MIEF2: variants seen among roughly 807,000 people sequenced by gnomAD.
The protein encoded by MIEF2 is mitochondrial elongation factor 2, also known as mitochondrial dynamics protein MID49.
Under a neutral mutation model 7.4 loss-of-function variants are expected in MIEF2, and 1 was observed. The observed-to-expected ratio is 0.14, with a 90% CI of 0.05 to 0.64. The LOEUF (loss-of-function observed/expected upper bound fraction) is 0.64, where lower values mean the gene tolerates loss of function less well. Among genes scored for constraint, MIEF2 ranks in the 30% least tolerant of loss-of-function variants. MIEF2 has a pLI of 0.85. For missense variants in MIEF2, 569 were observed against 623.9 expected (o/e 0.91, Z 0.94); for synonymous variants, 275 against 290.5 (o/e 0.95, Z 0.54).
Position 18,264,754 on chromosome 17 carries a change from G to A in MIEF2, c.1355G>A (p.Gly452Glu). ...TACAGTGGCCTACAGGAGCCCGAGG[G>A]GCTGCTCTAGGTGGGTGGAAACGGG... ...ALYSGLQEPEGLL is the reference protein window; with the variant it reads ...ALYSGLQEPEELL The change falls in exon 4 of 4, where the codon GGG becomes GAG. Residue 452 changes from glycine to glutamate, a missense_variant. Transcript: ENST00000323019. 6.2e-7 allele frequency: 1 copy of A among 1,606,238 alleles called. No individual in the cohort carries two copies. The highest frequency in any genetic ancestry group is 8.5e-7 in the Non-Finnish European group (1 of 1,174,816).
chr17:18,260,978 G>A, intron 1 of MIEF2: 1 of 873,296 alleles, frequency 1.1e-6, no homozygotes, highest in Non-Finnish European at 1.8e-6. Context: ...GGCCTGCTCC[G>A]CCCGGGCCCA....
rs1978667495 is a variant in MIEF2 at position 18,264,910 on chromosome 17, G to A, written c.*146G>A. ...ACTTAAACCCAGGGCATCAGGATGT[G>A]CTTGGGCTATGGTGGCCATAAACCC... On this transcript the variant is annotated 3_prime_UTR_variant, in exon 4 of 4. Transcript: ENST00000323019. 5 of 1,377,506 alleles carry A rather than the reference G, an allele frequency of 3.6e-6. No individual in the cohort carries two copies. Among genetic ancestry groups the A allele is most frequent in the Non-Finnish European group, 4.8e-6 (5 of 1,047,124 alleles). The allele number at this position is 1,377,506 out of a possible 1,614,324, so 85.3% of individuals were successfully genotyped here.
rs573381147 is a variant in MIEF2 at position 18,264,549 on chromosome 17, C to T, written c.1150C>T (p.Arg384Cys). The T allele has an allele frequency of 1.1e-5, 18 of 1,610,518 alleles. No individual in the cohort carries two copies. In the East Asian group the frequency reaches 2.7e-4, roughly 24 times the overall value. The change falls in exon 4 of 4, where the codon CGT (arginine) becomes TGT (cysteine). Residue 384 changes from arginine to cysteine, a missense_variant. Arg to Cys is a radical substitution (Grantham distance 180). Transcript: ENST00000323019. ...GGGTCACCTGACCCAGGTGGTCCTG[C>T]GTCTGGGGGAGGACAACGTGGATTG... ...GRGHLTQVVL[R>C]LGEDNVDWTE...
intron 1 of MIEF2, among the ~76,000 whole-genome samples, chr17:18,261,735 A>G (rs953750904): frequency 9.2e-5 from 14 of 152,366 alleles, no homozygotes; most frequent in Admixed American, 4.6e-4. Flanking sequence ...CAGGTGAGCA[A>G]ACAGGCTGGG....
At chr17:18,263,511 C>T (rs1978543289) in intron 3 of MIEF2, 199 bp from the exon 4 acceptor site, 4 of 866,480 alleles carry the variant, frequency 4.6e-6, no homozygotes, top group Non-Finnish European at 7.2e-6. Flanking sequence ...CTGTTGTCGC[C>T]AGGGTGTTGG....
chr17:18,261,609 A>C (rs1978420751), intron 1 of MIEF2, among the ~76,000 whole-genome samples: 1 of 152,160 alleles, frequency 6.6e-6, no homozygotes, highest in East Asian at 1.9e-4. Flanking sequence ...GAACGTGAGG[A>C]ATGTGGACTG....
Position 18,262,826 on chromosome 17 carries a change from G to A in MIEF2, c.106G>A (p.Gly36Arg), listed in dbSNP as rs886732680. ...ANARLVLGVG[G>R]AAVLGIATLA... ...TGCCCGCCTGGTGCTGGGCGTGGGC[G>A]GGGCTGCTGTGCTGGGCATTGCCAC... is the stretch of plus-strand genomic sequence containing the variant. Residue 36 changes from glycine (G) to arginine (R), a missense_variant, in exon 2 of 4, where the codon GGG becomes AGG. Coordinates refer to ENST00000323019, the MANE Select transcript of MIEF2 (RefSeq NM_139162.4). 8 of 1,560,944 alleles carry A rather than the reference G, an allele frequency of 5.1e-6. No individual in the cohort carries two copies. The highest frequency in any genetic ancestry group is 2.3e-5 in the East Asian group (1 of 44,308).
rs1248607696 is a variant in MIEF2 at position 18,265,136 on chromosome 17, A to T, written c.*372A>T. 1 of 191,852 alleles carries T rather than the reference A, an allele frequency of 5.2e-6. No individual in the cohort carries two copies. The highest frequency in any genetic ancestry group is 1.1e-5 in the Non-Finnish European group (1 of 92,090). 11.9% of individuals were successfully genotyped at this position (191,852 alleles called of 1,614,324 possible). ...TGGGCAGAAGCTGAAGGCCAGCTTC[A>T]CATTTCTGCTGAGAGAAGGTGACTT... is the stretch of plus-strand genomic sequence containing the variant. On this transcript the variant is annotated 3_prime_UTR_variant, in exon 4 of 4. Coordinates refer to ENST00000323019, the MANE Select transcript of MIEF2 (RefSeq NM_139162.4).
Position 18,262,782 on chromosome 17 carries a change from TG to T in MIEF2, c.64del (p.Asp22ThrfsTer26). 6.2e-7 allele frequency: 1 copy of T among 1,600,786 alleles called. No homozygotes were observed. Among genetic ancestry groups the T allele is most frequent in the Non-Finnish European group, 8.5e-7 (1 of 1,173,310 alleles). ...AGCGACGAAGGGCTGGGCAGCATGG[TG>T]GACTTCCTCCTGGCCAATGCCCGCC... is the stretch of plus-strand genomic sequence containing the variant. ...RRSDEGLGSM[V>X]DFLLANARLV... On this transcript the variant is annotated frameshift_variant, in exon 2 of 4. Coordinates refer to ENST00000323019, the MANE Select transcript of MIEF2 (RefSeq NM_139162.4). LOFTEE classifies it high-confidence loss of function.
chr17:18,263,476 A>G (rs760262948), intron 3 of MIEF2: 2 of 842,850 alleles, frequency 2.4e-6, no homozygotes, highest in African/African-American at 3.4e-5. Context: ...GAGGGGCGTG[A>G]CATACCTACC....
rs548989385 is a variant in MIEF2 at position 18,261,147 on chromosome 17, T to C, written c.-8+410T>C. 3.2e-6 allele frequency: 5 copies of C among 1,551,430 alleles called. No homozygotes were observed. In the South Asian group the frequency reaches 5.9e-5, roughly 18 times the overall value. On this transcript the variant is annotated intron_variant, in intron 1 of 3. Coordinates refer to ENST00000323019, the MANE Select transcript of MIEF2 (RefSeq NM_139162.4). ...CGACCCCGCCAGAGATGGGGCTGAG[T>C]CCCAATTTAGACAGGTTGGGAGTAT... is the stretch of plus-strand genomic sequence containing the variant.
rs1055559024 is a variant in MIEF2, at chr17:18,265,199, C to T, written c.*435C>T. On this transcript the variant is annotated 3_prime_UTR_variant, in exon 4 of 4. Transcript: ENST00000323019. ...GGCCCTAGCTCCAGGCGTTTTGAGG[C>T]GTCTGGTGCCTGATGGTAGGTATGG... 5 of 164,702 alleles carry T rather than the reference C, an allele frequency of 3.0e-5. No individual in the cohort carries two copies. The highest frequency in any genetic ancestry group is 1.1e-4 in the Admixed American group (2 of 17,682). The allele number at this position is 164,702 out of a possible 1,614,324, so 10.2% of individuals were successfully genotyped here.
intron 3 of MIEF2, 192 bp downstream of exon 3, chr17:18,263,440 G>A: frequency 1.1e-6 from 1 of 928,404 alleles, no homozygotes; most frequent in Non-Finnish European, 1.7e-6. Flanking sequence ...ATGGTGGGGA[G>A]CTTTAGATGG....
intron 3 of MIEF2, 131 bp from the exon 4 acceptor site, chr17:18,263,579 G>T: frequency 1.6e-6 from 2 of 1,224,896 alleles, no homozygotes; most frequent in Non-Finnish European, 2.2e-6. Context: ...GATCTGAACT[G>T]AGTGCCTTCT....
In MIEF2 at chr17:18,264,536, C is replaced by G; in HGVS notation, c.1137C>G (p.Thr379=). The G allele has an allele frequency of 6.2e-7, 1 of 1,610,226 alleles. No homozygotes were observed. The highest frequency in any genetic ancestry group is 1.7e-4 in the Middle Eastern group (1 of 6,060). The change falls in exon 4 of 4, where the codon ACC becomes ACG. Residue 379 remains threonine (T), a synonymous_variant. Coordinates refer to ENST00000323019, the MANE Select transcript of MIEF2 (RefSeq NM_139162.4). ...GGCAGCTAGGCCGGGGTCACCTGAC[C>G]CAGGTGGTCCTGCGTCTGGGGGAGG... is the stretch of plus-strand genomic sequence containing the variant. ...ALGQLGRGHL[T]QVVLRLGEDN... is the part of the protein sequence containing the mutation.
At position 18,265,003 on chromosome 17, in the gene MIEF2, C is replaced by T; in HGVS notation, c.*239C>T. The T allele has an allele frequency of 1.7e-6, 1 of 587,352 alleles. No individual in the cohort carries two copies. The highest frequency in any genetic ancestry group is 3.0e-5 in the South Asian group (1 of 32,912). 36.4% of individuals were successfully genotyped at this position (587,352 alleles called of 1,614,324 possible). A position where few individuals can be genotyped will look rare whatever the true frequency, so the allele number is the denominator to read the frequency against. On this transcript the variant is annotated 3_prime_UTR_variant, in exon 4 of 4. Transcript: ENST00000323019. ...GGCTGCCTCAGGCAGCTTGGAGTGC[C>T]AGCCATTCCTGCAAGCACCGTTTCA...
intron 1 of MIEF2, among the ~76,000 whole-genome samples, chr17:18,261,331 T>C (rs1215307205): frequency 6.6e-6 from 1 of 152,148 alleles, no homozygotes; most frequent in African/African-American, 2.4e-5. Flanking sequence ...GTCTTATTTT[T>C]AGTCTGGGGC....
chr17:18,263,605 G>A (rs1978547974), intron 3 of MIEF2, 105 bp from the exon 4 acceptor site: 11 of 1,403,256 alleles, frequency 7.8e-6, no homozygotes, highest in Non-Finnish European at 1.0e-5. Flanking sequence ...GCCACTGCAG[G>A]TGAGAAAAGT....
rs774578615 is a variant in MIEF2, at chr17:18,263,251, G to A, written c.310+3G>A. ...GGCCCCCTCGTCGTCTGCCCCAGGT[G>A]AGTGGCACTCCTTCCCCTCTTTTGG... On this transcript the variant is annotated splice_donor_region_variant and intron_variant, in intron 3 of 3. Transcript: ENST00000323019. 7 of 1,613,848 alleles carry A rather than the reference G, an allele frequency of 4.3e-6. No individual in the cohort carries two copies. The highest frequency in any genetic ancestry group is 5.9e-6 in the Non-Finnish European group (7 of 1,180,034).
Sources: allele counts gnomAD v4.1 joint callset (sites outside exome capture counted in the v4.1 genomes callset), GRCh38; gene constraint gnomAD v4.1.1; transcripts MANE v1.5; gene names NCBI Gene and HGNC (gene_info 2026-07-23, HGNC 2026-07-21).